PHF20L1: variants seen among roughly 807,000 people sequenced by gnomAD.
The protein encoded by PHF20L1 is PHD finger protein 20-like protein 1.
A neutral mutation model predicts 125.5 loss-of-function variants in PHF20L1; 44 were observed. The ratio of observed to expected loss-of-function variants is 0.35; its 90% CI spans 0.28 to 0.45. The LOEUF (loss-of-function observed/expected upper bound fraction) is 0.45, where lower values mean the gene tolerates loss of function less well. Among genes scored for constraint, PHF20L1 ranks in the 20% least tolerant of loss-of-function variants. PHF20L1 has a pLI of 1.00. For synonymous variants in PHF20L1, 380 were observed against 403.1 expected, an observed-to-expected ratio of 0.94 and a Z score of 0.69; for missense variants, 1,012 against 1,217.2, an observed-to-expected ratio of 0.83 and a Z score of 2.51.
intron 2 of PHF20L1, among the ~76,000 whole-genome samples, chr8:132,793,148 C>T (rs1831963306): frequency 6.6e-6 from 1 of 151,852 alleles, no homozygotes; most frequent in South Asian, 2.1e-4. Flanking sequence ...CTGTGTTTAA[C>T]CAAGTCTGCA....
Position 132,804,597 on chromosome 8 carries a change from G to A in PHF20L1, c.722-18G>A, listed in dbSNP as rs574211701. ...GGATTCTAGATAAACTCTCATATAT[G>A]TGTTCTGTTGAAAGTAGGACTTCAT... is the stretch of plus-strand genomic sequence containing the variant. On this transcript the variant is annotated intron_variant, in intron 7 of 20. Transcript: ENST00000395386. The A allele has an allele frequency of 4.4e-6, 7 of 1,583,926 alleles. No individual in the cohort carries two copies. The African/African-American group carries it at 5.4e-5, about 12-fold the overall frequency.
At chr8:132,783,803 A>C (rs771125042) in intron 2 of PHF20L1, among the ~76,000 whole-genome samples, 1 of 152,214 alleles carries the variant, frequency 6.6e-6, no homozygotes, top group Non-Finnish European at 1.5e-5. Flanking sequence ...GTATGTATAC[A>C]TCAAAATAAA....
At chr8:132,828,209 A>G (rs73345700) in intron 14 of PHF20L1, among the ~76,000 whole-genome samples, 5,813 of 152,106 alleles carry the variant, frequency 0.038, 363 homozygotes, top group African/African-American at 0.13. Context: ...ATTATTTTAT[A>G]TATCCTGCTG....
chr8:132,777,945 A>C, intron 2 of PHF20L1, 34 bp downstream of exon 2: 46 of 1,248,640 alleles, frequency 3.7e-5, no homozygotes, highest in Non-Finnish European at 4.8e-5. Flanking sequence ...CCTAAATATC[A>C]CAATATCTGT....
rs765585717 is a variant in PHF20L1, at chr8:132,837,755, T to TG, written c.2136dup (p.Leu713AlafsTer29). 1 of 1,613,240 alleles carries TG rather than the reference T, an allele frequency of 6.2e-7. No homozygotes were observed. The highest frequency in any genetic ancestry group is 1.1e-5 in the South Asian group (1 of 91,076). On this transcript the variant is annotated frameshift_variant, in exon 17 of 21. Transcript: ENST00000395386. LOFTEE classifies it high-confidence loss of function. ...TGGCAACACAGCGTGTGCATGGGGC[T>TG]GCTGGAGGAGAGCATTCCAGAGCAG... is the stretch of plus-strand genomic sequence containing the variant.
At chr8:132,843,333 G>A (rs1838118371) in intron 19 of PHF20L1, 1 of 982,698 alleles carries the variant, frequency 1.0e-6, no homozygotes, top group Non-Finnish European at 1.2e-6. Flanking sequence ...AATTCTGACA[G>A]ATCTATGTGC....
intron 18 of PHF20L1, 87 bp from the exon 19 acceptor site, chr8:132,842,428 C>A: frequency 8.0e-7 from 1 of 1,256,720 alleles, no homozygotes; most frequent in Admixed American, 2.5e-5. Flanking sequence ...GTCCTCCTAA[C>A]CTAATTCTGA....
chr8:132,778,571 T>C (rs974285882), intron 2 of PHF20L1, among the ~76,000 whole-genome samples: 1 of 152,172 alleles, frequency 6.6e-6, no homozygotes, highest in East Asian at 1.9e-4. Context: ...AACATAGCCT[T>C]TATACAGTGG....
At chr8:132,832,087 C>T (rs1836842378) in intron 14 of PHF20L1, 148 bp from the exon 15 acceptor site, 1 of 600,834 alleles carries the variant, frequency 1.7e-6, no homozygotes, top group African/African-American at 1.8e-5. Context: ...CCCAGTTCAT[C>T]AGATCCATAT....
intron 2 of PHF20L1, among the ~76,000 whole-genome samples, chr8:132,786,301 T>C (rs1323630375): frequency 6.6e-6 from 1 of 152,110 alleles, no homozygotes; most frequent in Non-Finnish European, 1.5e-5. Flanking sequence ...TGAGATGTAG[T>C]GCCCTTTTGT....
intron 18 of PHF20L1, chr8:132,842,243 A>C (rs1225255936): frequency 3.6e-6 from 1 of 277,920 alleles, no homozygotes; most frequent in Non-Finnish European, 6.6e-6. Flanking sequence ...GACAATGACA[A>C]ATCAGTAGAA....
At chr8:132,777,438 G>A (rs1047313228) in intron 1 of PHF20L1, among the ~76,000 whole-genome samples, 6 of 152,172 alleles carry the variant, frequency 3.9e-5, no homozygotes, top group African/African-American at 1.4e-4. Context: ...ATTTTTCAAA[G>A]GCAGGAAAGC....
intron 15 of PHF20L1, among the ~76,000 whole-genome samples, chr8:132,833,515 A>G (rs1476599541): frequency 1.3e-5 from 2 of 151,958 alleles, no homozygotes; most frequent in African/African-American, 4.8e-5. Context: ...TCTAAACTAT[A>G]CTGATCATGG....
intron 20 of PHF20L1, among the ~76,000 whole-genome samples, chr8:132,845,243 G>A (rs1031891239): frequency 6.6e-6 from 1 of 151,936 alleles, no homozygotes; most frequent in Non-Finnish European, 1.5e-5. Context: ...ATTTTAATAC[G>A]CTTGCATGTC....
At chr8:132,802,537 C>T (rs1051669250) in intron 6 of PHF20L1, among the ~76,000 whole-genome samples, 5 of 151,728 alleles carry the variant, frequency 3.3e-5, no homozygotes, top group African/African-American at 1.2e-4. Context: ...CTGTGAATTC[C>T]TTATGGACGG....
chr8:132,787,236 A>C (rs1831149287), intron 2 of PHF20L1, among the ~76,000 whole-genome samples: 1 of 151,516 alleles, frequency 6.6e-6, no homozygotes, highest in African/African-American at 2.4e-5. Flanking sequence ...GAGAGTGAAC[A>C]TAGGCATGGC....
intron 6 of PHF20L1, 107 bp downstream of exon 6, chr8:132,799,279 C>T: frequency 1.6e-6 from 1 of 611,788 alleles, no homozygotes; most frequent in Non-Finnish European, 2.9e-6. Context: ...TTCTTATCTT[C>T]TTCTTTCCTT....
At position 132,843,522 on chromosome 8, in the gene PHF20L1, A is replaced by C. The variant is rs541239491; in HGVS notation, c.2749-634A>C. On this transcript the variant is annotated intron_variant, in intron 19 of 20. Transcript: ENST00000395386. ...GTGAATTGGAACGTTTGTATTTCGTATCATAAAGTTTGTGGTAAGTTATTT... is the reference window on the plus strand; with the variant it reads ...GTGAATTGGAACGTTTGTATTTCGTCTCATAAAGTTTGTGGTAAGTTATTT... The C allele has an allele frequency of 8.1e-6, 8 of 984,856 alleles. No individual in the cohort carries two copies. The African/African-American group carries it at 1.2e-4, about 15-fold the overall frequency. 61.0% of individuals were successfully genotyped at this position (984,856 alleles called of 1,614,324 possible). A position where few individuals can be genotyped will look rare whatever the true frequency, so the allele number is the denominator to read the frequency against.
intron 8 of PHF20L1, 100 bp from the exon 9 acceptor site, chr8:132,810,946 A>G: frequency 1.3e-6 from 1 of 765,966 alleles, no homozygotes; most frequent in Non-Finnish European, 2.4e-6. Flanking sequence ...TACGTATTAA[A>G]AAGTATAGGA....
Sources: allele counts gnomAD v4.1 joint callset (sites outside exome capture counted in the v4.1 genomes callset), GRCh38; gene constraint gnomAD v4.1.1; transcripts MANE v1.5; gene names NCBI Gene and HGNC (gene_info 2026-07-23, HGNC 2026-07-21).